CEP192: variants seen among roughly 807,000 people sequenced by gnomAD.
CEP192 encodes the protein centrosomal protein 192.
CEP192 carries 151 observed loss-of-function variants against 271.8 expected under a neutral mutation model. That is an observed-to-expected ratio of 0.56 (90% CI 0.49 to 0.64). The LOEUF is 0.64. Among genes scored for constraint, CEP192 ranks in the 30% least tolerant of loss-of-function variants. CEP192 has a pLI of 0.00. For synonymous variants in CEP192, 995 were observed against 1,076.5 expected (o/e 0.92, Z 1.48); for missense variants, 2,910 against 3,020.5 (o/e 0.96, Z 0.86).
At chr18:13,124,324 G>T (rs2040807785) in intron 44 of CEP192, among the ~76,000 whole-genome samples, 1 of 152,140 alleles carries the variant, frequency 6.6e-6, no homozygotes, top group Non-Finnish European at 1.5e-5. Flanking sequence ...GATAGTTTTT[G>T]CAGGCAGTAT....
At chr18:13,095,458 CTCTT>C (rs763818993) in intron 34 of CEP192, 41 bp from the exon 35 acceptor site, 157 of 1,456,748 alleles carry the variant, frequency 1.1e-4, no homozygotes, top group Non-Finnish European at 1.3e-4. Context: ...ACTTCTCAGT[CTCTT>C]TCTTCATGTC....
Position 13,105,080 on chromosome 18 carries a change from G to T in CEP192, c.7047+1G>T. On this transcript the variant is annotated splice_donor_variant, in intron 40 of 44. Transcript: ENST00000506447. LOFTEE classifies it high-confidence loss of function. ...GCTGGAAAGCCATGGGATCCAAAAA[G>T]TAGGTTTTGATATTTTTTTCCATAG... The T allele has an allele frequency of 6.2e-7, 1 of 1,607,638 alleles. No homozygotes were observed. The highest frequency in any genetic ancestry group is 8.5e-7 in the Non-Finnish European group (1 of 1,174,096).
At chr18:13,022,991 T>G (rs2035078232) in intron 9 of CEP192, among the ~76,000 whole-genome samples, 1 of 152,216 alleles carries the variant, frequency 6.6e-6, no homozygotes, top group African/African-American at 2.4e-5. Flanking sequence ...ACTTGTTCAT[T>G]GCTAGTGTAT....
rs1363322280 is a variant in CEP192 at position 13,040,902 on chromosome 18, T to A, written c.1882T>A (p.Ser628Thr). Residue 628 changes from serine to threonine, a missense_variant, in exon 14 of 45, where the codon TCA becomes ACA. Ser to Thr is a moderately conservative substitution (Grantham distance 58). Coordinates refer to ENST00000506447, the MANE Select transcript of CEP192 (RefSeq NM_032142.4). ...TGCCTTAATAAGAAAATCTGATGTATCAAGAGGTAATTTGGAAAAAGAAAT... is the reference window on the plus strand; with the variant it reads ...TGCCTTAATAAGAAAATCTGATGTAACAAGAGGTAATTTGGAAAAAGAAAT... ...PIALIRKSDV[S>T]RGNLEKEMAH... The A allele has an allele frequency of 1.9e-6, 3 of 1,609,406 alleles. No homozygotes were observed. The Admixed American group carries it at 5.0e-5, about 27-fold the overall frequency.
rs1200773595 is a variant in CEP192 at position 13,056,315 on chromosome 18, A to G, written c.3725A>G (p.Asn1242Ser). 3 of 1,613,954 alleles carry G rather than the reference A, an allele frequency of 1.9e-6. No individual in the cohort carries two copies. Among genetic ancestry groups the G allele is most frequent in the Non-Finnish European group, 2.5e-6 (3 of 1,179,754 alleles). The change falls in exon 19 of 45, where the codon AAC (asparagine) becomes AGC (serine). Residue 1242 changes from asparagine (N) to serine (S), a missense_variant. Transcript: ENST00000506447. ...TVHSSVADMQ[N>S]MPAAVHALLT... The stretch of plus-strand genomic sequence containing the variant: ...CACAGCTCTGTGGCTGACATGCAGA[A>G]CATGCCTGCTGCTGTGCACGCACTC...
In CEP192 at chr18:13,113,638, A is replaced by G. The variant is rs148561564; in HGVS notation, c.7100A>G (p.Asp2367Gly). The change falls in exon 41 of 45, where the codon GAT becomes GGT. Residue 2367 changes from aspartate (D) to glycine (G), a missense_variant. Coordinates refer to ENST00000506447, the MANE Select transcript of CEP192 (RefSeq NM_032142.4). ...RGRGDYAQFW[D>G]VECHPLKEPH... ...AGGGGGGATTATGCCCAGTTTTGGG[A>G]TGTTGAATGTCACCCTCTTAAGGAG... is the stretch of plus-strand genomic sequence containing the variant. 1.9e-6 allele frequency: 3 copies of G among 1,613,246 alleles called. No homozygotes were observed. The highest frequency in any genetic ancestry group is 2.7e-5 in the African/African-American group (2 of 74,886).
At position 13,087,359 on chromosome 18, in the gene CEP192, A is replaced by G. The variant is rs2038945015; in HGVS notation, c.5877+82A>G. The stretch of plus-strand genomic sequence containing the variant: ...TTATGTATTTTAAAGCCAAAAGCTA[A>G]AATAATACTTGAAAATAATGTAGGA... On this transcript the variant is annotated intron_variant, in intron 31 of 44. Transcript: ENST00000506447. 4 of 1,247,336 alleles carry G rather than the reference A, an allele frequency of 3.2e-6. No homozygotes were observed. The East Asian group carries it at 9.9e-5, about 31-fold the overall frequency. 77.3% of individuals were successfully genotyped at this position (1,247,336 alleles called of 1,614,324 possible). A position where few individuals can be genotyped will look rare whatever the true frequency, so the allele number is the denominator to read the frequency against.
intron 34 of CEP192, among the ~76,000 whole-genome samples, chr18:13,093,137 C>T (rs1208539598): frequency 1.3e-5 from 2 of 152,036 alleles, no homozygotes; most frequent in Admixed American, 1.3e-4. Context: ...CCAGCCTGGG[C>T]AATAGCAAGA....
chr18:13,089,561 T>C lies in CEP192; in HGVS notation c.6099T>C (p.Thr2033=), dbSNP rs1327520225. 2.0e-6 allele frequency: 3 copies of C among 1,479,244 alleles called. No homozygotes were observed. The highest frequency in any genetic ancestry group is 1.9e-6 in the Non-Finnish European group (2 of 1,063,406). 91.6% of individuals were successfully genotyped at this position (1,479,244 alleles called of 1,614,324 possible). Residue 2033 remains threonine (T), a synonymous_variant, in exon 33 of 45, where the codon ACT becomes ACC. Transcript: ENST00000506447. ...CATTTCAAGATGAGCTATTAGTAACTGAAGGTAAGAATTCCGGCGTGTCTT... is the reference window on the plus strand; with the variant it reads ...CATTTCAAGATGAGCTATTAGTAACCGAAGGTAAGAATTCCGGCGTGTCTT... ...VEAFQDELLV[T]EVYDLPQRPN... is the part of the protein sequence containing the mutation.
intron 32 of CEP192, 127 bp from the exon 33 acceptor site, chr18:13,089,329 G>T: frequency 2.1e-6 from 1 of 473,968 alleles, no homozygotes; most frequent in South Asian, 5.1e-5. Context: ...TTTCTTTTAG[G>T]TGTAAGGTCT....
rs1234187565 is a variant in CEP192 at position 13,080,516 on chromosome 18, A to G, written c.5617-6501A>G. ...TCCTGAGACTTTGCTGAAGTTGCTT[A>G]TCAGCTTAAGGAGATTTTGGGCTGA... On this transcript the variant is annotated intron_variant, in intron 30 of 44. Transcript: ENST00000506447. Among the ~76,000 whole-genome samples, 10 of 152,208 alleles carry G rather than the reference A, an allele frequency of 6.6e-5. No individual in the cohort carries two copies. The East Asian group carries it at 1.3e-3, about 20-fold the overall frequency.
At chr18:13,072,511 G>T (rs1017177880) in intron 28 of CEP192, among the ~76,000 whole-genome samples, 1 of 152,108 alleles carries the variant, frequency 6.6e-6, no homozygotes, top group African/African-American at 2.4e-5. Flanking sequence ...TTAATAATAA[G>T]GTCAGCTGCA....
intron 42 of CEP192, among the ~76,000 whole-genome samples, chr18:13,116,171 G>T (rs1251085033): frequency 6.6e-6 from 1 of 152,186 alleles, no homozygotes; most frequent in Admixed American, 6.5e-5. Flanking sequence ...AGGAGAGTGA[G>T]GCCTATCCAG....
chr18:13,065,538 A>G (rs2037648377), intron 21 of CEP192, among the ~76,000 whole-genome samples: 1 of 152,244 alleles, frequency 6.6e-6, no homozygotes, highest in South Asian at 2.1e-4. Flanking sequence ...AAAAGAACTA[A>G]ACTAGAATCC....
chr18:13,085,633 A>T (rs2038862915), intron 30 of CEP192, among the ~76,000 whole-genome samples: 1 of 152,218 alleles, frequency 6.6e-6, no homozygotes, highest in Non-Finnish European at 1.5e-5. Flanking sequence ...TTTTCCTAAC[A>T]CCATTTATTA....
At chr18:13,016,492 T>C (rs1278577793) in intron 6 of CEP192, among the ~76,000 whole-genome samples, 1 of 152,204 alleles carries the variant, frequency 6.6e-6, no homozygotes, top group Non-Finnish European at 1.5e-5. Context: ...CAGGTTTTGC[T>C]ATCAAAGGAG....
rs1437305547 is a variant in CEP192, at chr18:13,025,921, A to G, written c.1051-3742A>G. Among the ~76,000 whole-genome samples, 4 of 152,354 alleles carry G rather than the reference A, an allele frequency of 2.6e-5. No individual in the cohort carries two copies. The South Asian group carries it at 8.3e-4, about 32-fold the overall frequency. On this transcript the variant is annotated intron_variant, in intron 9 of 44. Transcript: ENST00000506447. ...ACCAGTTAAAAATTAGAAAAATAAA[A>G]TGTTTGTTTTACCTTTACTTATTCT... is the stretch of plus-strand genomic sequence containing the variant.
rs926795663 is a variant in CEP192, at chr18:13,049,659, C to T, written c.2868C>T (p.Arg956=). The T allele has an allele frequency of 2.5e-6, 4 of 1,610,556 alleles. No homozygotes were observed. Among genetic ancestry groups the T allele is most frequent in the East Asian group, 2.2e-5 (1 of 44,858 alleles). The change falls in exon 16 of 45, where the codon CGC becomes CGT. Residue 956 remains arginine, a synonymous_variant. Transcript: ENST00000506447. ...AGCATGTGACTTTTGAAAACCATCG[C>T]ATAGTCTCACCTAAAAATAGTGGTA... The part of the protein sequence containing the change: ...SEKHVTFENH[R]IVSPKNSDLK...
chr18:13,008,653 T>C (rs1311325344), intron 4 of CEP192, 22 bp downstream of exon 4: 2 of 1,479,748 alleles, frequency 1.4e-6, no homozygotes, highest in African/African-American at 1.4e-5. Flanking sequence ...TTTGAAATTA[T>C]TTCTTAATGC....
Sources: gnomAD v4.1 joint callset for allele counts (sites outside exome capture counted in the v4.1 genomes callset) on GRCh38, gnomAD v4.1.1 for gene constraint, MANE v1.5 for transcripts, NCBI Gene and HGNC (gene_info 2026-07-23, HGNC 2026-07-21) for gene names.